SYT1: variants seen among roughly 807,000 people sequenced by gnomAD.
SYT1 encodes the protein synaptotagmin-1.
Under a neutral mutation model 44.8 loss-of-function variants are expected in SYT1, and 8 were observed. That is an observed-to-expected ratio of 0.18 (90% CI 0.10 to 0.32). The LOEUF (loss-of-function observed/expected upper bound fraction) is 0.32. Ranked by LOEUF, SYT1 falls within the 10% of genes least tolerant of loss-of-function variation. SYT1 has a pLI of 1.00. For missense variants in SYT1, 286 were observed against 509.3 expected (o/e 0.56, Z 4.22); for synonymous variants, 154 against 188.8 (o/e 0.82, Z 1.51).
intron 3 of SYT1, among the ~76,000 whole-genome samples, chr12:79,066,259 A>G (rs1565790228): frequency 6.6e-6 from 1 of 152,184 alleles, no homozygotes; most frequent in Non-Finnish European, 1.5e-5. Context: ...AACACCACAT[A>G]GGATAGTAGC....
At chr12:78,915,956 T>C (rs1338770059) in intron 1 of SYT1, among the ~76,000 whole-genome samples, 1 of 152,160 alleles carries the variant, frequency 6.6e-6, no homozygotes, top group Middle Eastern at 3.4e-3. Context: ...AATGCTAACT[T>C]AAAATACCAG....
intron 3 of SYT1, among the ~76,000 whole-genome samples, chr12:79,194,183 A>T (rs1873300649): frequency 6.6e-6 from 1 of 152,176 alleles, no homozygotes; most frequent in African/African-American, 2.4e-5. Context: ...CTCTCAGTAA[A>T]TCTAGTATAA....
intron 3 of SYT1, among the ~76,000 whole-genome samples, chr12:79,064,062 G>A (rs1403639690): frequency 6.7e-6 from 1 of 148,500 alleles, no homozygotes; most frequent in Non-Finnish European, 1.5e-5. Context: ...TCCATCACTT[G>A]GAGCATAAAG....
intron 4 of SYT1, among the ~76,000 whole-genome samples, chr12:79,237,867 G>T (rs1032421835): frequency 2.0e-5 from 3 of 152,234 alleles, no homozygotes; most frequent in African/African-American, 7.2e-5. Flanking sequence ...GGAGTAGAAA[G>T]TCTCAAAGAT....
chr12:79,143,870 T>C (rs775293167), intron 3 of SYT1, among the ~76,000 whole-genome samples: 15 of 152,208 alleles, frequency 9.9e-5, no homozygotes, highest in Non-Finnish European at 1.5e-4. Context: ...CAGATCTTTC[T>C]AAAGCCGAAA....
At chr12:79,141,423 T>C (rs1174691023) in intron 3 of SYT1, among the ~76,000 whole-genome samples, 5 of 152,152 alleles carry the variant, frequency 3.3e-5, no homozygotes, top group Non-Finnish European at 7.4e-5. Flanking sequence ...ATAATATATA[T>C]AATATTAGAC....
chr12:79,375,683 G>A (rs900651340), intron 9 of SYT1, among the ~76,000 whole-genome samples: 3 of 152,122 alleles, frequency 2.0e-5, no homozygotes, highest in African/African-American at 7.2e-5. Context: ...CTCTATTCTT[G>A]TACCTGTCTG....
chr12:79,441,888 T>C (rs940575165), intron 9 of SYT1, among the ~76,000 whole-genome samples: 1 of 152,218 alleles, frequency 6.6e-6, no homozygotes, highest in African/African-American at 2.4e-5. Context: ...TTTCAGTTCT[T>C]GGCTAAAATG....
chr12:79,376,415 G>T (rs991470065), intron 9 of SYT1, among the ~76,000 whole-genome samples: 1 of 152,128 alleles, frequency 6.6e-6, no homozygotes, highest in Non-Finnish European at 1.5e-5. Context: ...CATGGCATTT[G>T]TAAACTGTCA....
At chr12:79,286,262 T>C (rs1879309907) in intron 5 of SYT1, among the ~76,000 whole-genome samples, 1 of 152,222 alleles carries the variant, frequency 6.6e-6, no homozygotes, top group Non-Finnish European at 1.5e-5. Context: ...ATTACATCTG[T>C]TTAACCAGTC....
At chr12:78,948,398 A>G (rs1878783324) in intron 1 of SYT1, among the ~76,000 whole-genome samples, 1 of 152,146 alleles carries the variant, frequency 6.6e-6, no homozygotes, top group South Asian at 2.1e-4. Flanking sequence ...CAGAAAATTA[A>G]TGATGCTCAC....
chr12:79,149,873 T>A (rs898328232), intron 3 of SYT1, among the ~76,000 whole-genome samples: 3 of 152,202 alleles, frequency 2.0e-5, no homozygotes, highest in African/African-American at 7.2e-5. Flanking sequence ...CTCACTATAG[T>A]ATCTTCAATG....
At chr12:79,205,848 ATCT>A (rs1408298216) in intron 3 of SYT1, among the ~76,000 whole-genome samples, 16 of 152,182 alleles carry the variant, frequency 1.1e-4, no homozygotes, top group Non-Finnish European at 2.4e-4. Context: ...ATTGTAATTG[ATCT>A]TCTGAGAACG....
chr12:78,990,617 T>A (rs895799691), intron 2 of SYT1, among the ~76,000 whole-genome samples: 1 of 152,176 alleles, frequency 6.6e-6, no homozygotes, highest in Non-Finnish European at 1.5e-5. Context: ...AATTTAATTA[T>A]CTGGTACTTT....
chr12:78,886,261 C>T (rs1874743510), intron 1 of SYT1, among the ~76,000 whole-genome samples: 1 of 151,942 alleles, frequency 6.6e-6, no homozygotes, highest in Admixed American at 6.6e-5. Context: ...ATTAAGGGTT[C>T]ATGAATATAG....
chr12:79,407,247 T>C (rs1338511659), intron 9 of SYT1, among the ~76,000 whole-genome samples: 1 of 152,074 alleles, frequency 6.6e-6, no homozygotes, highest in African/African-American at 2.4e-5. Context: ...ACCACTAATA[T>C]TATTTGAGTG....
intron 1 of SYT1, among the ~76,000 whole-genome samples, chr12:78,880,974 AC>A (rs1010518311): frequency 2.6e-5 from 4 of 151,700 alleles, no homozygotes; most frequent in African/African-American, 9.7e-5. Context: ...AAGAAAAAAA[AC>A]AAACCTTTTT....
At chr12:79,133,615 C>T (rs938608949) in intron 3 of SYT1, among the ~76,000 whole-genome samples, 21 of 151,984 alleles carry the variant, frequency 1.4e-4, no homozygotes, top group Non-Finnish European at 2.2e-4. Flanking sequence ...AGATGACAGA[C>T]CTAAACTTGG....
chr12:79,304,405 T>C (rs748525394), intron 8 of SYT1, among the ~76,000 whole-genome samples: 9 of 152,210 alleles, frequency 5.9e-5, no homozygotes, highest in South Asian at 2.1e-4. Flanking sequence ...AGTGCCTTTC[T>C]GGGTTTTTTT....
Sources: allele counts gnomAD v4.1 joint callset (sites outside exome capture counted in the v4.1 genomes callset), GRCh38; gene constraint gnomAD v4.1.1; transcripts MANE v1.5; gene names NCBI Gene and HGNC (gene_info 2026-07-23, HGNC 2026-07-21).